TLN2: variants seen among roughly 807,000 people sequenced by gnomAD.
The protein encoded by TLN2 is talin 2, also known as talin-2.
A neutral mutation model predicts 294.7 loss-of-function variants in TLN2; 118 were observed. The ratio of observed to expected loss-of-function variants is 0.40; its 90% CI spans 0.34 to 0.47. The LOEUF (loss-of-function observed/expected upper bound fraction) is 0.47, where lower values mean the gene tolerates loss of function less well. Ranked by LOEUF, TLN2 falls within the 20% of genes least tolerant of loss-of-function variation. The pLI, the probability that TLN2 is intolerant of heterozygous loss-of-function variation, is 0.84. For synonymous variants in TLN2, 1,431 were observed against 1,304.5 expected (o/e 1.10, Z -2.09); for missense variants, 3,083 against 3,282.2 (o/e 0.94, Z 1.48).
intron 3 of TLN2, among the ~76,000 whole-genome samples, chr15:62,641,998 A>G (rs1338814238): frequency 6.6e-6 from 1 of 152,192 alleles, no homozygotes. Context: ...TGGGCTCTTT[A>G]CAGCTCCCTG....
chr15:62,755,933 C>G (rs1856630250), intron 37 of TLN2, among the ~76,000 whole-genome samples: 1 of 152,194 alleles, frequency 6.6e-6, no homozygotes, highest in Non-Finnish European at 1.5e-5. Flanking sequence ...TCCCCAAATT[C>G]TGTACATGAG....
At chr15:62,670,836 T>C (rs2055314475) in intron 9 of TLN2, among the ~76,000 whole-genome samples, 1 of 152,256 alleles carries the variant, frequency 6.6e-6, no homozygotes, top group South Asian at 2.1e-4. Flanking sequence ...GCAGAATTGC[T>C]GTATAATATT....
At chr15:62,770,874 G>A in intron 41 of TLN2, 90 bp from the exon 42 acceptor site, 6 of 1,493,340 alleles carry the variant, frequency 4.0e-6, no homozygotes, top group South Asian at 1.4e-5. Flanking sequence ...GCCCAGTCCT[G>A]TTCCCCTCCC....
At chr15:62,578,396 G>A (rs1481410143) in intron 1 of TLN2, among the ~76,000 whole-genome samples, 3 of 151,924 alleles carry the variant, frequency 2.0e-5, no homozygotes, top group Admixed American at 6.6e-5. Context: ...GTGAAACCCC[G>A]TCTCTACTAA....
At chr15:62,515,889 A>G (rs2040166128) in intron 1 of TLN2, among the ~76,000 whole-genome samples, 2 of 152,192 alleles carry the variant, frequency 1.3e-5, no homozygotes, top group Admixed American at 1.3e-4. Context: ...GGCTTGCCCC[A>G]TAGCAGCTGT....
intron 1 of TLN2, among the ~76,000 whole-genome samples, chr15:62,498,175 G>GA (rs920547251): frequency 8.2e-6 from 1 of 121,406 alleles, no homozygotes; most frequent in Non-Finnish European, 1.8e-5. Flanking sequence ...AAAAAAAAAA[G>GA]AAAAAAAAGT....
chr15:62,748,187 G>C (rs1373824359), intron 32 of TLN2, among the ~76,000 whole-genome samples, 164 bp from the exon 33 acceptor site: 1 of 152,004 alleles, frequency 6.6e-6, no homozygotes, highest in Non-Finnish European at 1.5e-5. Context: ...GTCTTCCCTG[G>C]GTGTGGTTTA....
intron 52 of TLN2, among the ~76,000 whole-genome samples, chr15:62,810,293 T>C (rs530100691): frequency 1.4e-4 from 22 of 152,096 alleles, no homozygotes; most frequent in African/African-American, 4.8e-4. Context: ...GAATAGCATG[T>C]AAAAGGAAGA....
Position 62,819,627 on chromosome 15 carries a change from C to T in TLN2, c.6877+6C>T. On this transcript the variant is annotated splice_donor_region_variant and intron_variant, in intron 53 of 58. Transcript: ENST00000636159. The stretch of plus-strand genomic sequence containing the variant: ...GGCGGCGGAAGCCATGAAAGGTAGG[C>T]TGGATTCTCACGTCTTGGTGGAGGG... 1 of 1,608,008 alleles carries T rather than the reference C, an allele frequency of 6.2e-7. No homozygotes were observed. The highest frequency in any genetic ancestry group is 8.5e-7 in the Non-Finnish European group (1 of 1,179,702).
Position 62,547,201 on chromosome 15 carries a change from C to T in TLN2, c.-237-42486C>T, listed in dbSNP as rs143613001. ...GATTTTTAAAATTTTTCAGCCCTTTCATTTCTCTACTTTGTTGAAAAACAT... is the reference window on the plus strand; with the variant it reads ...GATTTTTAAAATTTTTCAGCCCTTTTATTTCTCTACTTTGTTGAAAAACAT... On this transcript the variant is annotated intron_variant, in intron 1 of 58. Coordinates refer to ENST00000636159, the MANE Select transcript of TLN2 (RefSeq NM_015059.3). Among the ~76,000 whole-genome samples, 3 of 152,310 alleles carry T rather than the reference C, an allele frequency of 2.0e-5. No individual in the cohort carries two copies. The East Asian group carries it at 5.8e-4, about 29-fold the overall frequency.
chr15:62,623,667 C>T (rs1307004659), intron 3 of TLN2, among the ~76,000 whole-genome samples: 1 of 152,216 alleles, frequency 6.6e-6, no homozygotes, highest in Non-Finnish European at 1.5e-5. Flanking sequence ...AAACTCAAAA[C>T]ATACATTTCC....
intron 50 of TLN2, among the ~76,000 whole-genome samples, chr15:62,804,491 A>G (rs1316812755): frequency 3.3e-5 from 5 of 152,146 alleles, no homozygotes; most frequent in African/African-American, 1.2e-4. Flanking sequence ...CCAGCTACTC[A>G]GGAGGCTGAG....
At position 62,702,980 on chromosome 15, in the gene TLN2, G is replaced by A. The variant is rs1441697664; in HGVS notation, c.2004+116G>A. The A allele has an allele frequency of 7.5e-5, 67 of 898,296 alleles. 1 individual carries two copies. In the South Asian group the frequency reaches 9.8e-4, roughly 13 times the overall value. The allele number at this position is 898,296 out of a possible 1,614,324, so 55.6% of individuals were successfully genotyped here. ...AAATCTTTGAGATAGTCAAGAATGC[G>A]ATTGAGATGGATTATCTTGGGAGTG... On this transcript the variant is annotated intron_variant, in intron 19 of 58. Transcript: ENST00000636159.
chr15:62,492,352 A>C (rs1266354377), intron 1 of TLN2, among the ~76,000 whole-genome samples: 1 of 151,846 alleles, frequency 6.6e-6, no homozygotes, highest in Non-Finnish European at 1.5e-5. Flanking sequence ...AGGTCAGGAG[A>C]TCGAGACCAT....
intron 1 of TLN2, among the ~76,000 whole-genome samples, chr15:62,514,250 A>C (rs2140458111): frequency 6.6e-6 from 1 of 152,308 alleles, no homozygotes; most frequent in Middle Eastern, 3.4e-3. Flanking sequence ...ATTATGAATG[A>C]GGTTTTACCT....
intron 12 of TLN2, among the ~76,000 whole-genome samples, chr15:62,688,553 TG>T (rs1055369198): frequency 6.6e-6 from 1 of 152,164 alleles, no homozygotes; most frequent in African/African-American, 2.4e-5. Flanking sequence ...GTCTTTTGAA[TG>T]AATATCTTTG....
At chr15:62,616,009 C>T (rs1298212878) in intron 2 of TLN2, among the ~76,000 whole-genome samples, 1 of 152,054 alleles carries the variant, frequency 6.6e-6, no homozygotes, top group Non-Finnish European at 1.5e-5. Flanking sequence ...TTACTACTGT[C>T]CTCTAACAGT....
At chr15:62,565,910 CTG>C (rs71718001) in intron 1 of TLN2, among the ~76,000 whole-genome samples, 19,267 of 148,066 alleles carry the variant, frequency 0.13, 1,290 homozygotes, top group Non-Finnish European at 0.15. Context: ...TGTTTACTAG[CTG>C]TGTGTGTGTG....
intron 2 of TLN2, among the ~76,000 whole-genome samples, chr15:62,596,121 C>T (rs1396206288): frequency 2.0e-5 from 3 of 151,870 alleles, no homozygotes; most frequent in African/African-American, 7.3e-5. Context: ...AAAAATTAGC[C>T]GGGCGCAGTG....
Sources: allele counts gnomAD v4.1 joint callset (sites outside exome capture counted in the v4.1 genomes callset), GRCh38; gene constraint gnomAD v4.1.1; transcripts MANE v1.5; gene names NCBI Gene and HGNC (gene_info 2026-07-23, HGNC 2026-07-21).